The following DPYS variants were observed in gnomAD, a reference collection of about 807,000 sequenced individuals.
The protein encoded by DPYS is dihydropyrimidinase.
DPYS carries 39 observed loss-of-function variants against 50.3 expected under a neutral mutation model. The observed-to-expected ratio is 0.78, with a 90% CI of 0.60 to 1.01. The LOEUF (loss-of-function observed/expected upper bound fraction) is 1.01, where lower values mean the gene tolerates loss of function less well. Among genes scored for constraint, DPYS ranks in the 50% least tolerant of loss-of-function variants. The pLI is 0.00. For synonymous variants in DPYS, 245 were observed against 250.7 expected, an observed-to-expected ratio of 0.98 and a Z score of 0.22; for missense variants, 659 against 680.9, an observed-to-expected ratio of 0.97 and a Z score of 0.36.
At chr8:104,465,271 G>A (rs1010763549) in intron 1 of DPYS, among the ~76,000 whole-genome samples, 4 of 151,856 alleles carry the variant, frequency 2.6e-5, no homozygotes, top group Admixed American at 1.3e-4. Flanking sequence ...GAAAGAGAGG[G>A]GTGGAGGGGG....
chr8:104,448,660 T>C (rs767806452), intron 2 of DPYS, among the ~76,000 whole-genome samples: 1 of 152,162 alleles, frequency 6.6e-6, no homozygotes, highest in Non-Finnish European at 1.5e-5. Context: ...AAAAGTTCTT[T>C]CAACTTGATA....
At chr8:104,440,938 A>T (rs1263508936) in intron 4 of DPYS, among the ~76,000 whole-genome samples, 1 of 152,182 alleles carries the variant, frequency 6.6e-6, no homozygotes, top group Non-Finnish European at 1.5e-5. Context: ...CATCTTCTGT[A>T]AAAGGTCAGT....
At chr8:104,457,883 C>G (rs1319096300) in intron 1 of DPYS, among the ~76,000 whole-genome samples, 1 of 152,158 alleles carries the variant, frequency 6.6e-6, no homozygotes, top group Non-Finnish European at 1.5e-5. Context: ...ACACCTACTT[C>G]TCTTCTTCCC....
chr8:104,393,010 CAA>C lies in DPYS; in HGVS notation c.1236-21_1236-20del, dbSNP rs1373223734. 1.2e-6 allele frequency: 2 copies of C among 1,610,278 alleles called. No homozygotes were observed. Among genetic ancestry groups the C allele is most frequent in the Non-Finnish European group, 1.7e-6 (2 of 1,177,164 alleles). On this transcript the variant is annotated intron_variant, in intron 7 of 9. Coordinates refer to ENST00000351513, the MANE Select transcript of DPYS (RefSeq NM_001385.3). ...GATAGTCCTATATTTGTGAAAACAA[CAA>C]AAAAGTTCTGGATCATCACCAGCTC... is the stretch of plus-strand genomic sequence containing the variant.
At chr8:104,425,070 TCC>T (rs1812675426) in intron 6 of DPYS, among the ~76,000 whole-genome samples, 1 of 151,758 alleles carries the variant, frequency 6.6e-6, no homozygotes, top group Non-Finnish European at 1.5e-5. Flanking sequence ...CCTCAGGTGA[TCC>T]ACCCTCCTTG....
intron 4 of DPYS, among the ~76,000 whole-genome samples, chr8:104,436,957 G>T (rs1488073936): frequency 1.3e-5 from 2 of 151,950 alleles, no homozygotes; most frequent in African/African-American, 4.8e-5. Flanking sequence ...TAGAGAACAA[G>T]AACGTTTTCT....
At chr8:104,434,565 C>CTATTAAGTAAAACTA (rs1813064473) in intron 4 of DPYS, among the ~76,000 whole-genome samples, 1 of 152,156 alleles carries the variant, frequency 6.6e-6, no homozygotes, top group African/African-American at 2.4e-5. Context: ...AAAGATATGC[C>CTATTAAGTAAAACTA]TATTAAGTAA....
intron 7 of DPYS, among the ~76,000 whole-genome samples, chr8:104,412,323 T>G (rs1330599100): frequency 1.3e-5 from 2 of 152,206 alleles, no homozygotes; most frequent in African/African-American, 4.8e-5. Flanking sequence ...TTCACAGATC[T>G]TAGCTTCTAT....
At chr8:104,411,542 G>A (rs1019642441) in intron 7 of DPYS, among the ~76,000 whole-genome samples, 4 of 152,132 alleles carry the variant, frequency 2.6e-5, no homozygotes, top group South Asian at 2.1e-4. Context: ...TAACAAAAAC[G>A]TGAAGAAACC....
At chr8:104,447,194 C>T (rs150013648) in intron 3 of DPYS, 130 bp downstream of exon 3, 18,566 of 1,224,840 alleles carry the variant, frequency 0.015, 168 homozygotes, top group Non-Finnish European at 0.017. Context: ...TTCCGAGCCA[C>T]GGAAAATCCA....
chr8:104,417,362 C>T (rs1812402592), intron 7 of DPYS, among the ~76,000 whole-genome samples: 1 of 152,234 alleles, frequency 6.6e-6, no homozygotes, highest in African/African-American at 2.4e-5. Flanking sequence ...CTTACTGCTG[C>T]AGCTATGGGC....
intron 7 of DPYS, among the ~76,000 whole-genome samples, chr8:104,405,223 A>G (rs1232023325): frequency 2.0e-5 from 3 of 152,238 alleles, no homozygotes; most frequent in African/African-American, 4.8e-5. Context: ...GAATCTCTCA[A>G]CAATCCACCT....
chr8:104,418,165 G>A (rs1041093531), intron 7 of DPYS, among the ~76,000 whole-genome samples: 1 of 152,320 alleles, frequency 6.6e-6, no homozygotes, highest in East Asian at 1.9e-4. Context: ...CCAGCAGCTC[G>A]AATGGCCTGG....
chr8:104,396,042 A>G (rs1321267507), intron 7 of DPYS, among the ~76,000 whole-genome samples: 1 of 152,260 alleles, frequency 6.6e-6, no homozygotes, highest in Non-Finnish European at 1.5e-5. Context: ...AATACTAAGT[A>G]TAGAATGAGT....
intron 7 of DPYS, among the ~76,000 whole-genome samples, chr8:104,396,146 T>A (rs2140529181): frequency 6.6e-6 from 1 of 152,322 alleles, no homozygotes; most frequent in East Asian, 1.9e-4. Flanking sequence ...GTGAAAAGAC[T>A]TTTTATGGCC....
rs368932527 is a variant in DPYS at position 104,381,266 on chromosome 8, C to T, written c.1492G>A (p.Ala498Thr). 1.7e-5 allele frequency: 28 copies of T among 1,614,018 alleles called. No homozygotes were observed. In the African/African-American group the frequency reaches 2.1e-4, roughly 12 times the overall value. ...VERAPYKGEVATLKSRVTKED... is the reference protein window; with the variant it reads ...VERAPYKGEVTTLKSRVTKED... ...TTTGTCACTCTGGATTTCAGTGTGGCGACTTCTCCCTTATAGGGTGCACGC... is the reference window on the plus strand; with the variant it reads ...TTTGTCACTCTGGATTTCAGTGTGGTGACTTCTCCCTTATAGGGTGCACGC... Residue 498 changes from alanine to threonine, a missense_variant, in exon 9 of 10, where the codon GCC becomes ACC. Ala to Thr is a moderately conservative substitution (Grantham distance 58). Coordinates refer to ENST00000351513, the MANE Select transcript of DPYS (RefSeq NM_001385.3).
At chr8:104,465,175 C>G (rs1156480796) in intron 1 of DPYS, among the ~76,000 whole-genome samples, 1 of 149,872 alleles carries the variant, frequency 6.7e-6, no homozygotes, top group East Asian at 2.0e-4. Context: ...GCAAAACTGT[C>G]AGAAATCAGT....
intron 7 of DPYS, among the ~76,000 whole-genome samples, chr8:104,408,202 G>T (rs553150077): frequency 6.6e-6 from 1 of 152,344 alleles, no homozygotes; most frequent in Non-Finnish European, 1.5e-5. Context: ...AGTGAACAAA[G>T]TCAATGTTTC....
chr8:104,395,380 A>C (rs992128973), intron 7 of DPYS, among the ~76,000 whole-genome samples: 1 of 152,244 alleles, frequency 6.6e-6, no homozygotes, highest in Admixed American at 6.5e-5. Context: ...GTTTACACAT[A>C]CATAGATTTG....
Sources: gnomAD v4.1 joint callset for allele counts (sites outside exome capture counted in the v4.1 genomes callset) on GRCh38, gnomAD v4.1.1 for gene constraint, MANE v1.5 for transcripts, NCBI Gene and HGNC (gene_info 2026-07-23, HGNC 2026-07-21) for gene names.